The following ICE1 variants were observed in gnomAD, a reference collection of about 807,000 sequenced individuals.
ICE1 encodes interactor of little elongation complex ELL subunit 1.
ICE1 carries 64 observed loss-of-function variants against 192.7 expected under a neutral mutation model. The ratio of observed to expected loss-of-function variants is 0.33; its 90% CI spans 0.27 to 0.41. ICE1 has a LOEUF of 0.41. Among genes scored for constraint, ICE1 ranks in the 10% least tolerant of loss-of-function variants. The probability of loss-of-function intolerance (pLI) is 1.00; values close to 1 mark genes in which losing one functional copy is unlikely to be tolerated. For missense variants in ICE1, 2,708 were observed against 2,696.0 expected, an observed-to-expected ratio of 1.00 and a Z score of -0.10; for synonymous variants, 1,010 against 984.5, an observed-to-expected ratio of 1.03 and a Z score of -0.49.
Position 5,439,922 on chromosome 5 carries a change from A to G in ICE1, c.197+9A>G, listed in dbSNP as rs752537185. On this transcript the variant is annotated intron_variant, in intron 4 of 18. Coordinates refer to ENST00000296564, the MANE Select transcript of ICE1 (RefSeq NM_015325.3). Reference sequence around the variant, plus strand: ...CTGCAGTTTGCAAGAAGGTGAGCCAACCTGTTTCATAGTTTATGATACCAC... The same window carrying G: ...CTGCAGTTTGCAAGAAGGTGAGCCAGCCTGTTTCATAGTTTATGATACCAC... The G allele has an allele frequency of 5.2e-6, 8 of 1,552,638 alleles. No individual in the cohort carries two copies. Among genetic ancestry groups the G allele is most frequent in the South Asian group, 2.4e-5 (2 of 82,774 alleles).
Position 5,463,403 on chromosome 5 carries a change from G to C in ICE1, c.4069G>C (p.Asp1357His). 3.1e-6 allele frequency: 5 copies of C among 1,613,646 alleles called. No individual in the cohort carries two copies. The highest frequency in any genetic ancestry group is 4.2e-6 in the Non-Finnish European group (5 of 1,179,756). ...EARSDAGRQT[D>H]GGEEDLPEPV... Reference sequence around the variant, plus strand: ...CCGTTCAGATGCAGGCAGGCAAACCGATGGTGGGGAAGAAGACCTGCCAGA... The same window carrying C: ...CCGTTCAGATGCAGGCAGGCAAACCCATGGTGGGGAAGAAGACCTGCCAGA... Residue 1357 changes from aspartate (D) to histidine (H), a missense_variant, in exon 13 of 19, where the codon GAT becomes CAT. Physicochemically the swap from Asp to His is moderately conservative, Grantham distance 81. Coordinates refer to ENST00000296564, the MANE Select transcript of ICE1 (RefSeq NM_015325.3).
chr5:5,451,416 A>G (rs975091546), intron 10 of ICE1, among the ~76,000 whole-genome samples: 2 of 152,184 alleles, frequency 1.3e-5, no homozygotes, highest in African/African-American at 4.8e-5. Context: ...TTGATTTAGG[A>G]CAATTAAATC....
rs752804823 is a variant in ICE1, at chr5:5,462,761, G to C, written c.3427G>C (p.Val1143Leu). 2 of 1,613,676 alleles carry C rather than the reference G, an allele frequency of 1.2e-6. No homozygotes were observed. The highest frequency in any genetic ancestry group is 1.7e-6 in the Non-Finnish European group (2 of 1,179,784). ...AGACACAGATGCTGCTGTAGCCGAG[G>C]TGAGACCTTCCTTAGAGGTAGGTTA... ...LGDTDAAVAE[V>L]RPSLEVGYLT... Residue 1143 changes from valine to leucine, a missense_variant, in exon 13 of 19, where the codon GTG becomes CTG. This residue lies in a region of ICE1 where 2,366 missense variants were observed against 2,276.6 expected (regional missense o/e 1.04). Transcript: ENST00000296564.
intron 5 of ICE1, among the ~76,000 whole-genome samples, chr5:5,441,748 A>T (rs545985838): frequency 6.6e-6 from 1 of 152,290 alleles, no homozygotes; most frequent in South Asian, 2.1e-4. Context: ...TAAACTAGTC[A>T]ATATTTTAAG....
chr5:5,450,182 T>G (rs544027086), intron 10 of ICE1, among the ~76,000 whole-genome samples: 13 of 152,330 alleles, frequency 8.5e-5, no homozygotes, highest in African/African-American at 3.1e-4. Flanking sequence ...TGCTGAAAAC[T>G]GATTGCATTT....
chr5:5,483,373 A>G (rs1398674711), intron 17 of ICE1, among the ~76,000 whole-genome samples: 1 of 152,222 alleles, frequency 6.6e-6, no homozygotes, highest in African/African-American at 2.4e-5. Flanking sequence ...GCTTTAGGTC[A>G]GTGAGACTTG....
rs972814567 is a variant in ICE1 at position 5,489,614 on chromosome 5, C to CT, written c.*291dup. ...AAACAACAAAAACTTGAACTTAGCC[C>CT]TTTTTTTGCTGCAGAAAGTGTCCTT... On this transcript the variant is annotated 3_prime_UTR_variant, in exon 19 of 19. Transcript: ENST00000296564. The CT allele has an allele frequency of 3.7e-5, 9 of 241,776 alleles. No homozygotes were observed. The highest frequency in any genetic ancestry group is 4.7e-5 in the Non-Finnish European group (6 of 128,008). The allele number at this position is 241,776 out of a possible 1,614,324, so 15.0% of individuals were successfully genotyped here.
chr5:5,469,097 T>C, intron 15 of ICE1, 109 bp downstream of exon 15: 1 of 738,918 alleles, frequency 1.4e-6, no homozygotes, highest in Non-Finnish European at 2.0e-6. Context: ...ATTTTCTTCT[T>C]TCTAGATCTT....
Position 5,463,911 on chromosome 5 carries a change from A to T in ICE1, c.4577A>T (p.Tyr1526Phe). The change falls in exon 13 of 19, where the codon TAT (tyrosine) becomes TTT (phenylalanine). Residue 1526 changes from tyrosine (Y) to phenylalanine (F), a missense_variant. Physicochemically the swap from Tyr to Phe is conservative, Grantham distance 22. Around this residue, in one of 2 missense-constraint regions of ICE1, gnomAD observed 2,366 missense variants for 2,276.6 expected, o/e 1.04. Transcript: ENST00000296564. ...KPSIWISSQI[Y>F]DQNFETQIVA... ...AGTATATGGATTAGTTCTCAAATCT[A>T]TGATCAAAACTTCGAGACTCAGATT... is the stretch of plus-strand genomic sequence containing the variant. 1 of 1,613,996 alleles carries T rather than the reference A, an allele frequency of 6.2e-7. No individual in the cohort carries two copies. The highest frequency in any genetic ancestry group is 8.5e-7 in the Non-Finnish European group (1 of 1,179,878).
intron 10 of ICE1, among the ~76,000 whole-genome samples, chr5:5,448,817 C>T (rs965608284): frequency 6.6e-6 from 1 of 152,042 alleles, no homozygotes; most frequent in East Asian, 1.9e-4. Flanking sequence ...TAACAGTTCC[C>T]ACCTTTCAGC....
rs767333243 is a variant in ICE1 at position 5,447,502 on chromosome 5, A to C, written c.500A>C (p.Lys167Thr). The C allele has an allele frequency of 6.4e-7, 1 of 1,550,496 alleles. No homozygotes were observed. Among genetic ancestry groups the C allele is most frequent in the South Asian group, 1.2e-5 (1 of 83,940 alleles). ...AAAATACTTGAAAAGGAATTTAAGA[A>C]GACACAGGTACTAGATAAAAGCAGC... is the stretch of plus-strand genomic sequence containing the variant. ...EKKILEKEFK[K>T]TQERLDEFSK... The change falls in exon 8 of 19, where the codon AAG becomes ACG. Residue 167 changes from lysine to threonine, a missense_variant. Physicochemically the swap from Lys to Thr is moderately conservative, Grantham distance 78 (BLOSUM62 -1). Coordinates refer to ENST00000296564, the MANE Select transcript of ICE1 (RefSeq NM_015325.3).
chr5:5,463,125 C>T lies in ICE1; in HGVS notation c.3791C>T (p.Thr1264Ile), dbSNP rs372858748. The change falls in exon 13 of 19, where the codon ACC becomes ATC. Residue 1264 changes from threonine to isoleucine, a missense_variant. Thr to Ile is a moderately conservative substitution (Grantham distance 89). This residue lies in a region of ICE1 where 2,366 missense variants were observed against 2,276.6 expected (regional missense o/e 1.04). Coordinates refer to ENST00000296564, the MANE Select transcript of ICE1 (RefSeq NM_015325.3). Reference sequence around the variant, plus strand: ...TTGGAAACTCTGTCTGAGGTTCTGACCAAGATTAGGCAAGAACTTCAAACA... The same window carrying T: ...TTGGAAACTCTGTCTGAGGTTCTGATCAAGATTAGGCAAGAACTTCAAACA... ...CSLETLSEVLTKIRQELQTNS... is the reference protein window; with the variant it reads ...CSLETLSEVLIKIRQELQTNS... 3 of 1,612,890 alleles carry T rather than the reference C, an allele frequency of 1.9e-6. No homozygotes were observed. The highest frequency in any genetic ancestry group is 2.5e-6 in the Non-Finnish European group (3 of 1,179,542).
intron 4 of ICE1, 24 bp from the exon 5 acceptor site, chr5:5,441,085 GTAA>G (rs1561077190): frequency 3.8e-6 from 5 of 1,322,280 alleles, no homozygotes; most frequent in African/African-American, 1.5e-5. Flanking sequence ...ATCCTTTTCT[GTAA>G]TAATGTTAAT....
chr5:5,477,648 T>C (rs1417333653), intron 17 of ICE1, among the ~76,000 whole-genome samples: 2 of 152,192 alleles, frequency 1.3e-5, no homozygotes, highest in Admixed American at 6.5e-5. Flanking sequence ...GAGGCCAGCA[T>C]CATCCTGATA....
At chr5:5,465,700 T>A (rs1200586806) in intron 13 of ICE1, among the ~76,000 whole-genome samples, 1 of 152,224 alleles carries the variant, frequency 6.6e-6, no homozygotes, top group Non-Finnish European at 1.5e-5. Flanking sequence ...TATCCACTGG[T>A]ACCTTGCTTG....
In ICE1 at chr5:5,462,450, C is replaced by T. The variant is rs1448588600; in HGVS notation, c.3116C>T (p.Thr1039Ile). Residue 1039 changes from threonine to isoleucine, a missense_variant, in exon 13 of 19, where the codon ACC becomes ATC. Physicochemically the swap from Thr to Ile is moderately conservative, Grantham distance 89. Transcript: ENST00000296564. Reference protein sequence around the residue: ...GEALAVANDSTSTPQNANGLW... With the variant: ...GEALAVANDSISTPQNANGLW... ...GCCCTGGCTGTTGCAAATGATTCTA[C>T]CAGCACACCACAAAATGCTAATGGA... The T allele has an allele frequency of 2.5e-6, 4 of 1,613,834 alleles. No homozygotes were observed. The highest frequency in any genetic ancestry group is 3.4e-6 in the Non-Finnish European group (4 of 1,179,898).
At chr5:5,446,217 A>C (rs1014920448) in intron 7 of ICE1, among the ~76,000 whole-genome samples, 2 of 151,946 alleles carry the variant, frequency 1.3e-5, no homozygotes, top group Admixed American at 6.6e-5. Flanking sequence ...GCTGGTCTTG[A>C]ACTCCTTGGC....
At chr5:5,459,684 C>A (rs1245136664) in intron 12 of ICE1, among the ~76,000 whole-genome samples, 1 of 152,180 alleles carries the variant, frequency 6.6e-6, no homozygotes, top group East Asian at 1.9e-4. Flanking sequence ...TCACTAGGAG[C>A]AAGTTGATGT....
chr5:5,478,843 G>A (rs373270249), intron 17 of ICE1, among the ~76,000 whole-genome samples: 4 of 152,224 alleles, frequency 2.6e-5, no homozygotes, highest in Admixed American at 6.5e-5. Flanking sequence ...AACAAGCAAC[G>A]GGAAAAGGAT....
Sources: gnomAD v4.1 joint callset for allele counts (sites outside exome capture counted in the v4.1 genomes callset) on GRCh38, gnomAD v4.1.1 for gene constraint, gnomAD v4.1.1 regional missense constraint, MANE v1.5 for transcripts, NCBI Gene and HGNC (gene_info 2026-07-23, HGNC 2026-07-21) for gene names.